Variants in CALB2 observed in about 807,000 individuals in gnomAD.
CALB2 encodes the protein calbindin 2, also known as calretinin.
Under a neutral mutation model 45.9 loss-of-function variants are expected in CALB2, and 34 were observed. The observed-to-expected ratio is 0.74, with a 90% CI of 0.56 to 0.99. The LOEUF is 0.99. CALB2 is among the 50% of genes least tolerant of loss of function. The pLI, the probability that CALB2 is intolerant of heterozygous loss-of-function variation, is 0.00. For missense variants in CALB2, 344 were observed against 339.3 expected, an observed-to-expected ratio of 1.01 and a Z score of -0.11; for synonymous variants, 142 against 129.6, an observed-to-expected ratio of 1.10 and a Z score of -0.65.
intron 1 of CALB2, among the ~76,000 whole-genome samples, chr16:71,360,954 CT>C (rs2042232512): frequency 6.6e-6 from 1 of 152,150 alleles, no homozygotes; most frequent in African/African-American, 2.4e-5. Context: ...ATAAGTCTCC[CT>C]CCCATTCCCC....
intron 2 of CALB2, among the ~76,000 whole-genome samples, chr16:71,373,570 C>T (rs990556742): frequency 2.6e-5 from 4 of 152,190 alleles, no homozygotes; most frequent in Non-Finnish European, 5.9e-5. Flanking sequence ...ATTTTCAAGT[C>T]TGTCAACAAT....
At chr16:71,371,261 C>T (rs946827898) in intron 1 of CALB2, among the ~76,000 whole-genome samples, 4 of 152,184 alleles carry the variant, frequency 2.6e-5, no homozygotes, top group Non-Finnish European at 5.9e-5. Context: ...CTCTCCTACC[C>T]TTGATCCCTG....
At chr16:71,372,429 T>C (rs2042363118) in intron 2 of CALB2, among the ~76,000 whole-genome samples, 200 bp downstream of exon 2, 1 of 152,112 alleles carries the variant, frequency 6.6e-6, no homozygotes, top group African/African-American at 2.4e-5. Context: ...TTGAGGGGTA[T>C]TCATGAGTGG....
intron 10 of CALB2, chr16:71,389,472 G>A: frequency 1.7e-6 from 1 of 590,892 alleles, no homozygotes; most frequent in South Asian, 1.5e-5. Flanking sequence ...ACCTCCATGA[G>A]GCATGAACTT....
Position 71,389,932 on chromosome 16 carries a change from C to T in CALB2, c.*67C>T. ...CTTCTGCTGCCCTGATGCGTCTACC[C>T]AGACTCAGAGACCGTGAGCGCCCCG... On this transcript the variant is annotated 3_prime_UTR_variant, in exon 11 of 11. Transcript: ENST00000302628. 3 of 1,127,644 alleles carry T rather than the reference C, an allele frequency of 2.7e-6. No individual in the cohort carries two copies. Among genetic ancestry groups the T allele is most frequent in the Non-Finnish European group, 4.0e-6 (3 of 748,652 alleles). 69.9% of individuals were successfully genotyped at this position (1,127,644 alleles called of 1,614,324 possible).
chr16:71,371,914 C>T (rs1372928032), intron 1 of CALB2, among the ~76,000 whole-genome samples: 1 of 152,218 alleles, frequency 6.6e-6, no homozygotes, highest in Non-Finnish European at 1.5e-5. Context: ...CCTCTGTCCT[C>T]TCGGACCCTG....
At position 71,385,597 on chromosome 16, in the gene CALB2, C is replaced by G; in HGVS notation, c.648C>G (p.Asp216Glu). The G allele has an allele frequency of 6.2e-7, 1 of 1,613,996 alleles. No individual in the cohort carries two copies. The highest frequency in any genetic ancestry group is 8.5e-7 in the Non-Finnish European group (1 of 1,179,976). ...FYDKDRSGYIDEHELDALLKD... is the reference protein window; with the variant it reads ...FYDKDRSGYIEEHELDALLKD... ...CCCAGGATAGAAGCGGCTACATTGA[C>G]GAGCATGAGCTGGATGCCCTTTTGA... The change falls in exon 10 of 11, where the codon GAC (aspartate) becomes GAG (glutamate). Residue 216 changes from aspartate to glutamate, a missense_variant. Asp to Glu is a conservative substitution (Grantham distance 45, BLOSUM62 2). Transcript: ENST00000302628.
intron 7 of CALB2, 100 bp downstream of exon 7, chr16:71,384,125 G>C: frequency 2.3e-6 from 3 of 1,309,450 alleles, no homozygotes; most frequent in African/African-American, 1.4e-5. Context: ...ACAGGTGCGG[G>C]TGTCAAGAAG....
At chr16:71,384,467 A>C in intron 8 of CALB2, 89 bp downstream of exon 8, 1 of 1,002,528 alleles carries the variant, frequency 1.0e-6, no homozygotes, top group Non-Finnish European at 1.6e-6. Context: ...CACACACAAC[A>C]CACTACACAC....
chr16:71,376,875 T>G (rs1204836705), intron 3 of CALB2, among the ~76,000 whole-genome samples: 1 of 152,174 alleles, frequency 6.6e-6, no homozygotes, highest in African/African-American at 2.4e-5. Context: ...ACAACCACTG[T>G]CCAGCTGCAG....
At chr16:71,364,244 AC>A (rs896106148) in intron 1 of CALB2, among the ~76,000 whole-genome samples, 37 of 151,858 alleles carry the variant, frequency 2.4e-4, no homozygotes, top group African/African-American at 8.0e-4. Flanking sequence ...CGCCTAAGGG[AC>A]CCGTTTCACA....
At chr16:71,361,064 CA>C (rs1428071117) in intron 1 of CALB2, among the ~76,000 whole-genome samples, 1 of 152,166 alleles carries the variant, frequency 6.6e-6, no homozygotes, top group Non-Finnish European at 1.5e-5. Context: ...AAGCTACCAC[CA>C]AACCCATGAT....
At chr16:71,381,025 G>A (rs1019192153) in intron 4 of CALB2, among the ~76,000 whole-genome samples, 6 of 152,194 alleles carry the variant, frequency 3.9e-5, no homozygotes, top group East Asian at 1.9e-4. Flanking sequence ...GTGCATGGTC[G>A]GAAGTGGACC....
At chr16:71,372,126 A>C in intron 1 of CALB2, 27 bp from the exon 2 acceptor site, 1 of 1,375,532 alleles carries the variant, frequency 7.3e-7, no homozygotes, top group Non-Finnish European at 1.0e-6. Flanking sequence ...TAGTGCTGAG[A>C]TTGATTTTTT....
chr16:71,361,291 A>G (rs933139915), intron 1 of CALB2, among the ~76,000 whole-genome samples: 8 of 152,212 alleles, frequency 5.3e-5, no homozygotes, highest in African/African-American at 1.9e-4. Flanking sequence ...GTGACTTAGG[A>G]AGATATGTAT....
At position 71,390,010 on chromosome 16, in the gene CALB2, T is replaced by G. The variant is rs577231206; in HGVS notation, c.*145T>G. 6.8e-5 allele frequency: 42 copies of G among 621,538 alleles called. No homozygotes were observed. The highest frequency in any genetic ancestry group is 7.4e-5 in the Non-Finnish European group (26 of 349,042). 38.5% of individuals were successfully genotyped at this position (621,538 alleles called of 1,614,324 possible). On this transcript the variant is annotated 3_prime_UTR_variant, in exon 11 of 11. Coordinates refer to ENST00000302628, the MANE Select transcript of CALB2 (RefSeq NM_001740.5). ...TGCCTGCAGAGCAGGAAATGAGAGA[T>G]AGAGGATGGGCAGCTGGGGGGCTGT... is the stretch of plus-strand genomic sequence containing the variant.
intron 9 of CALB2, 66 bp downstream of exon 9, chr16:71,384,902 C>A: frequency 7.3e-7 from 1 of 1,360,682 alleles, no homozygotes; most frequent in South Asian, 1.2e-5. Context: ...AAGGGCTCAG[C>A]TTCATCCCTG....
At chr16:71,380,395 G>A (rs1365937375) in intron 4 of CALB2, among the ~76,000 whole-genome samples, 24 of 126,618 alleles carry the variant, frequency 1.9e-4, no homozygotes, top group African/African-American at 7.1e-4. Context: ...TACAACCTCC[G>A]CCTCCCGGGT....
At chr16:71,384,125 G>A in intron 7 of CALB2, 100 bp downstream of exon 7, 2 of 1,309,450 alleles carry the variant, frequency 1.5e-6, no homozygotes, top group East Asian at 2.3e-5. Flanking sequence ...ACAGGTGCGG[G>A]TGTCAAGAAG....
Sources: gnomAD v4.1 joint callset for allele counts (sites outside exome capture counted in the v4.1 genomes callset) on GRCh38, gnomAD v4.1.1 for gene constraint, MANE v1.5 for transcripts, NCBI Gene and HGNC (gene_info 2026-07-23, HGNC 2026-07-21) for gene names.